FANCL: variants seen among roughly 807,000 people sequenced by gnomAD.
FANCL encodes the protein FA complementation group L.
A neutral mutation model predicts 59.4 loss-of-function variants in FANCL; 69 were observed. The ratio of observed to expected loss-of-function variants is 1.16; its 90% CI spans 0.96 to 1.42. FANCL has a LOEUF of 1.42. Among genes scored for constraint, FANCL ranks in the 40% most tolerant of loss-of-function variants. The pLI is 0.00. For missense variants in FANCL, 519 were observed against 447.2 expected (o/e 1.16, Z -1.45); for synonymous variants, 180 against 147.1 (o/e 1.22, Z -1.62).
At chr2:58,227,906 AAG>A (rs1280079721) in intron 3 of FANCL, among the ~76,000 whole-genome samples, 3 of 151,840 alleles carry the variant, frequency 2.0e-5, no homozygotes, top group African/African-American at 7.3e-5. Context: ...GAAGAAGAGA[AAG>A]AAGAGGAGGA....
At chr2:58,170,663 A>G (rs1686491692) in intron 7 of FANCL, among the ~76,000 whole-genome samples, 1 of 150,436 alleles carries the variant, frequency 6.6e-6, no homozygotes, top group African/African-American at 2.5e-5. Context: ...AAATAAAGGG[A>G]TGGAGGAATA....
rs1354553261 is a variant in FANCL, at chr2:58,195,546, C to A, written c.540+3048G>T. On this transcript the variant is annotated intron_variant, in intron 7 of 13. Transcript: ENST00000233741. ...TATATGAAAGATTTTATTTGAAACA[C>A]AACAGAAACCACAAGAGAAGGATGT... 2.6e-5 allele frequency among the ~76,000 whole-genome samples: 4 copies of A among 151,906 alleles called. No individual in the cohort carries two copies. In the East Asian group the frequency reaches 7.7e-4, roughly 29 times the overall value.
In FANCL at chr2:58,171,657, T is replaced by C. The variant is rs1573557172; in HGVS notation, c.541-5783A>G. 6.6e-5 allele frequency among the ~76,000 whole-genome samples: 10 copies of C among 152,226 alleles called. No homozygotes were observed. The South Asian group carries it at 1.9e-3, about 28-fold the overall frequency. On this transcript the variant is annotated intron_variant, in intron 7 of 13. Transcript: ENST00000233741. The stretch of plus-strand genomic sequence containing the variant: ...TGGCCGAATAGGAACAGCTCCGGTC[T>C]ACAGCTCCCAGGGTGAGCGACGCAG...
intron 5 of FANCL, among the ~76,000 whole-genome samples, chr2:58,218,512 T>C (rs1692073602): frequency 1.3e-5 from 2 of 151,706 alleles, no homozygotes; most frequent in South Asian, 4.1e-4. Context: ...AAACAGAGAA[T>C]GTGACAAAAC....
chr2:58,165,660 G>C, intron 8 of FANCL, 64 bp downstream of exon 8: 1 of 1,586,018 alleles, frequency 6.3e-7, no homozygotes, highest in Non-Finnish European at 8.6e-7. Context: ...GTCATTGTTA[G>C]ATTTATTTTC....
chr2:58,168,831 A>G (rs1163547233), intron 7 of FANCL, among the ~76,000 whole-genome samples: 1 of 152,150 alleles, frequency 6.6e-6, no homozygotes, highest in Non-Finnish European at 1.5e-5. Flanking sequence ...CAATGCCACG[A>G]GGAAGCTGGA....
At chr2:58,233,004 C>T (rs909083886) in intron 1 of FANCL, among the ~76,000 whole-genome samples, 1 of 151,986 alleles carries the variant, frequency 6.6e-6, no homozygotes, top group Non-Finnish European at 1.5e-5. Context: ...ATTAAATGTA[C>T]CCTATAACCT....
chr2:58,190,501 G>A (rs550502944), intron 7 of FANCL, among the ~76,000 whole-genome samples: 2 of 147,680 alleles, frequency 1.4e-5, no homozygotes, highest in South Asian at 2.1e-4. Flanking sequence ...GCCAATTAGT[G>A]GACCAGAAAA....
Position 58,229,825 on chromosome 2 carries a change from T to A in FANCL, c.205A>T (p.Ile69Leu), listed in dbSNP as rs772050277. 3 of 1,609,454 alleles carry A rather than the reference T, an allele frequency of 1.9e-6. No individual in the cohort carries two copies. The highest frequency in any genetic ancestry group is 2.6e-6 in the Non-Finnish European group (3 of 1,175,906). ...TAAAAAGGACTTACCTGTTGTACTA[T>A]TCGATGGTATCCACTAAGTATTGTT... ...LRTILSGYHR[I>L]VQQRMQHSPD... Residue 69 changes from isoleucine to leucine, a missense_variant, in exon 3 of 14, where the codon ATA (isoleucine) becomes TTA (leucine). By Grantham distance (5) the Ile-to-Leu change is conservative. Coordinates refer to ENST00000233741, the MANE Select transcript of FANCL (RefSeq NM_018062.4).
In FANCL at chr2:58,167,139, G is replaced by A. The variant is rs527282716; in HGVS notation, c.541-1265C>T. ...AGGCAGGAGAATCACTTGAACCCGG[G>A]AGGCAGAGGTTGCAGTGGGCCGAGA... On this transcript the variant is annotated intron_variant, in intron 7 of 13. Coordinates refer to ENST00000233741, the MANE Select transcript of FANCL (RefSeq NM_018062.4). Among the ~76,000 whole-genome samples the A allele has an allele frequency of 2.6e-5, 4 of 152,336 alleles. No individual in the cohort carries two copies. The South Asian group carries it at 8.3e-4, about 32-fold the overall frequency.
intron 7 of FANCL, among the ~76,000 whole-genome samples, chr2:58,171,494 G>A (rs1350818143): frequency 1.3e-5 from 2 of 152,106 alleles, no homozygotes; most frequent in African/African-American, 4.8e-5. Context: ...ACATTCAAAA[G>A]CTAGCAGAAG....
intron 1 of FANCL, among the ~76,000 whole-genome samples, chr2:58,233,943 C>A (rs886510130): frequency 6.6e-6 from 1 of 151,888 alleles, no homozygotes; most frequent in Non-Finnish European, 1.5e-5. Context: ...GGCTCTTATA[C>A]GAGTAAATAA....
intron 7 of FANCL, among the ~76,000 whole-genome samples, chr2:58,179,778 T>G (rs1687737438): frequency 6.6e-6 from 1 of 151,952 alleles, no homozygotes. Flanking sequence ...AAACTATCAT[T>G]AGAGTGAACA....
At chr2:58,232,602 C>A (rs533395803) in intron 1 of FANCL, among the ~76,000 whole-genome samples, 1 of 151,180 alleles carries the variant, frequency 6.6e-6, no homozygotes, top group East Asian at 2.0e-4. Context: ...ACAATCTATA[C>A]AGACATAAGT....
chr2:58,217,661 T>C (rs1691986235), intron 5 of FANCL, among the ~76,000 whole-genome samples: 1 of 151,954 alleles, frequency 6.6e-6, no homozygotes. Flanking sequence ...TATAAATCTG[T>C]ATGTACCCAA....
At chr2:58,208,729 C>T (rs1258303382) in intron 5 of FANCL, among the ~76,000 whole-genome samples, 2 of 152,188 alleles carry the variant, frequency 1.3e-5, no homozygotes, top group Admixed American at 6.5e-5. Flanking sequence ...TACTTCATAT[C>T]TGGATTACTA....
At chr2:58,188,196 C>T (rs1688595018) in intron 7 of FANCL, among the ~76,000 whole-genome samples, 3 of 152,092 alleles carry the variant, frequency 2.0e-5, no homozygotes, top group African/African-American at 4.8e-5. Flanking sequence ...TTTGTACCTT[C>T]GTTGAAAACA....
At chr2:58,241,184 T>G in intron 1 of FANCL, 34 bp downstream of exon 1, 1 of 1,608,178 alleles carries the variant, frequency 6.2e-7, no homozygotes, top group African/African-American at 1.3e-5. Context: ...TGCAAGAGGC[T>G]CTCTTAGCTA....
intron 5 of FANCL, among the ~76,000 whole-genome samples, chr2:58,211,247 C>T (rs562131075): frequency 1.3e-5 from 2 of 152,232 alleles, no homozygotes; most frequent in African/African-American, 4.8e-5. Context: ...TGTGCACCCA[C>T]AGGCTCAACA....
Sources: gnomAD v4.1 joint callset for allele counts (sites outside exome capture counted in the v4.1 genomes callset) on GRCh38, gnomAD v4.1.1 for gene constraint, MANE v1.5 for transcripts, NCBI Gene and HGNC (gene_info 2026-07-23, HGNC 2026-07-21) for gene names.